The following POMGNT1 variants were observed in gnomAD, a reference collection of about 807,000 sequenced individuals.
The protein encoded by POMGNT1 is protein O-linked-mannose beta-1,2-N-acetylglucosaminyltransferase 1.
A neutral mutation model predicts 95.6 loss-of-function variants in POMGNT1; 67 were observed. That is an observed-to-expected ratio of 0.70 (90% confidence interval 0.58 to 0.86). The LOEUF is 0.86. Among genes scored for constraint, POMGNT1 ranks in the 40% least tolerant of loss-of-function variants. The probability of loss-of-function intolerance (pLI) is 0.00; values close to 1 mark genes in which losing one functional copy is unlikely to be tolerated. For missense variants in POMGNT1, 719 were observed against 855.2 expected (o/e 0.84, Z 1.99); for synonymous variants, 298 against 317.9 (o/e 0.94, Z 0.66).
chr1:46,219,776 G>A, exon 1 of POMGNT1: 1 of 1,614,142 alleles, frequency 6.2e-7, no homozygotes, highest in Non-Finnish European at 8.5e-7. Context: ...CAGTGCGCTG[G>A]CTGTTGGAGG....
At chr1:46,209,795 G>A (rs1441768260) in intron 1 of POMGNT1, among the ~76,000 whole-genome samples, 1 of 152,078 alleles carries the variant, frequency 6.6e-6, no homozygotes, top group Non-Finnish European at 1.5e-5. Flanking sequence ...ACAAGCATGA[G>A]CCACCATGCA....
chr1:46,194,134 G>A, intron 9 of POMGNT1, 140 bp downstream of exon 9: 3 of 1,553,168 alleles, frequency 1.9e-6, no homozygotes, highest in Non-Finnish European at 2.6e-6. Flanking sequence ...CCCCAGCCCT[G>A]TCTTTCAGAG....
chr1:46,195,629 A>G (rs1305234097), intron 6 of POMGNT1, 182 bp downstream of exon 6: 2 of 689,214 alleles, frequency 2.9e-6, no homozygotes, highest in African/African-American at 1.8e-5. Flanking sequence ...AGTACCTGGC[A>G]TACAGCTGTT....
Position 46,192,318 on chromosome 1 carries a change from G to C in POMGNT1, c.1403C>G (p.Thr468Arg). The change falls in exon 16 of 22, where the codon ACA becomes AGA. Residue 468 changes from threonine to arginine, a missense_variant. Coordinates refer to ENST00000371984, the MANE Select transcript of POMGNT1 (RefSeq NM_017739.4). ...YKEELEPKWP[T>R]PEKLWDWDMW... is the part of the protein sequence containing the mutation. ...TACCCTGACAGTTACCTTTTCCGGT[G>C]TAGGCCACTTGGGCTCAAGCTCCTC... 6.2e-7 allele frequency: 1 copy of C among 1,614,192 alleles called. No individual in the cohort carries two copies. Among genetic ancestry groups the C allele is most frequent in the Non-Finnish European group, 8.5e-7 (1 of 1,180,032 alleles).
upstream of POMGNT1, chr1:46,203,399 G>C: frequency 7.7e-6 from 11 of 1,437,556 alleles, no homozygotes; most frequent in Non-Finnish European, 1.0e-5. Flanking sequence ...GCGTCCGGTC[G>C]CCCAGCCCTT....
chr1:46,198,450 G>GCC (rs1285295870), upstream of POMGNT1: 1 of 149,760 alleles, frequency 6.7e-6, no homozygotes, highest in Non-Finnish European at 1.5e-5. Flanking sequence ...GGCCTGGCCC[G>GCC]CCCCCCCGCT....
intron 17 of POMGNT1, 66 bp from the exon 18 acceptor site, chr1:46,190,850 A>G (rs1657710369): frequency 7.0e-7 from 1 of 1,432,686 alleles, no homozygotes; most frequent in African/African-American, 1.4e-5. Flanking sequence ...CTTGCTGACC[A>G]GCCAGACATC....
upstream of POMGNT1, among the ~76,000 whole-genome samples, chr1:46,203,168 C>A (rs1658600058): frequency 6.6e-6 from 1 of 152,098 alleles, no homozygotes; most frequent in Admixed American, 6.6e-5. Flanking sequence ...CTGAGGTCTC[C>A]GAGTGCTCTT....
Position 46,192,285 on chromosome 1 carries a change from C to T in POMGNT1, c.1413+23G>A. ...TCGAGTTGGTAGGGGACTCCAGCCCCCTCACCCTACCCTGACAGTTACCTT... is the reference window on the plus strand; with the variant it reads ...TCGAGTTGGTAGGGGACTCCAGCCCTCTCACCCTACCCTGACAGTTACCTT... On this transcript the variant is annotated intron_variant, in intron 16 of 21. Coordinates refer to ENST00000371984, the MANE Select transcript of POMGNT1 (RefSeq NM_017739.4). 1.9e-6 allele frequency: 3 copies of T among 1,614,140 alleles called. No individual in the cohort carries two copies. The South Asian group carries it at 3.3e-5, about 18-fold the overall frequency.
chr1:46,189,649 C>T (rs1657594689), intron 20 of POMGNT1, 82 bp from the exon 21 acceptor site: 3 of 1,557,386 alleles, frequency 1.9e-6, no homozygotes, highest in Admixed American at 1.9e-5. Context: ...GCCCAGCCCC[C>T]ACCCCTCCTC....
chr1:46,191,238 G>A (rs991640535), intron 17 of POMGNT1: 4 of 265,320 alleles, frequency 1.5e-5, no homozygotes, highest in African/African-American at 8.9e-5. Flanking sequence ...TCGCGTATTA[G>A]TCAGCCTCTG....
chr1:46,193,679 C>T (rs1435178060), intron 10 of POMGNT1, 40 bp from the exon 11 acceptor site: 2 of 1,613,420 alleles, frequency 1.2e-6, no homozygotes, highest in Non-Finnish European at 1.7e-6. Context: ...CTTCATCACC[C>T]CTCAACTCAG....
At chr1:46,189,652 C>T (rs1657595376) in intron 20 of POMGNT1, 85 bp from the exon 21 acceptor site, 3 of 1,556,950 alleles carry the variant, frequency 1.9e-6, no homozygotes, top group Admixed American at 3.9e-5. Flanking sequence ...CAGCCCCCAC[C>T]CCTCCTCAGA....
exon 1 of POMGNT1, chr1:46,219,978 G>A (rs1164194252): frequency 6.2e-7 from 1 of 1,614,286 alleles, no homozygotes; most frequent in Admixed American, 1.7e-5. Context: ...GGATGAACAG[G>A]GCCCACCTGG....
rs753030030 is a variant in POMGNT1 at position 46,192,180 on chromosome 1, C to A, written c.1457G>T (p.Arg486Leu). Residue 486 changes from arginine (R) to leucine (L), a missense_variant, in exon 17 of 22, where the codon CGG becomes CTG. This residue lies in a region of POMGNT1 where 118 missense variants were observed against 153.6 expected (regional missense o/e 0.77). Coordinates refer to ENST00000371984, the MANE Select transcript of POMGNT1 (RefSeq NM_017739.4). ...DMWMRMPEQR[R>L]GRECIIPDVS... ...GTCAGGGATGATGCACTCTCGGCCC[C>A]GGCGTTGTTCAGGCATCCGCATCCA... The A allele has an allele frequency of 6.2e-7, 1 of 1,614,196 alleles. No homozygotes were observed. Among genetic ancestry groups the A allele is most frequent in the Non-Finnish European group, 8.5e-7 (1 of 1,180,034 alleles).
At position 46,193,631 on chromosome 1, in the gene POMGNT1, C is replaced by A. The variant is rs368653589; in HGVS notation, c.959G>T (p.Arg320Leu). 2 of 1,614,078 alleles carry A rather than the reference C, an allele frequency of 1.2e-6. No individual in the cohort carries two copies. The highest frequency in any genetic ancestry group is 1.7e-6 in the Non-Finnish European group (2 of 1,180,038). The change falls in exon 11 of 22, where the codon CGC (arginine) becomes CTC (leucine). Residue 320 changes from arginine (R) to leucine (L), a missense_variant. This residue lies in a region of POMGNT1 where 466 missense variants were observed against 517.4 expected (regional missense o/e 0.90). Transcript: ENST00000371984. ...CACCCCCTGGGCTGAAAGCAGAGAG[C>A]GCAGCATCCTGGGGAGCCCAGGGAT... ...NRPNYLYRML[R>L]SLLSAQGVSP...
At chr1:46,210,189 C>A (rs1156889480) in intron 1 of POMGNT1, among the ~76,000 whole-genome samples, 1 of 152,134 alleles carries the variant, frequency 6.6e-6, no homozygotes, top group Non-Finnish European at 1.5e-5. Flanking sequence ...TTGTGATATT[C>A]TTCCAAAAAC....
rs776827017 is a variant in POMGNT1, at chr1:46,192,871, C to G, written c.1211+29G>C. On this transcript the variant is annotated intron_variant, in intron 14 of 21. Coordinates refer to ENST00000371984, the MANE Select transcript of POMGNT1 (RefSeq NM_017739.4). Reference sequence around the variant, plus strand: ...ACTCTTTCCCTGCAGACTGAGGGACCTCAACTGAAACCTAGAGACTCCCCT... The same window carrying G: ...ACTCTTTCCCTGCAGACTGAGGGACGTCAACTGAAACCTAGAGACTCCCCT... The G allele has an allele frequency of 2.5e-6, 4 of 1,614,000 alleles. No homozygotes were observed. The Admixed American group carries it at 5.0e-5, about 20-fold the overall frequency.
At chr1:46,197,361 T>C (rs867462443) in intron 2 of POMGNT1, 3 of 1,475,346 alleles carry the variant, frequency 2.0e-6, no homozygotes, top group Admixed American at 2.0e-5. Flanking sequence ...GTCCCCTCCA[T>C]TGTTGGTTTC....
Sources: allele counts gnomAD v4.1 joint callset (sites outside exome capture counted in the v4.1 genomes callset), GRCh38; gene constraint gnomAD v4.1.1; regional missense constraint gnomAD v4.1.1; transcripts MANE v1.5; gene names NCBI Gene and HGNC (gene_info 2026-07-23, HGNC 2026-07-21).